The following PTCHD4 variants were observed in gnomAD, a reference collection of about 807,000 sequenced individuals.
PTCHD4 encodes patched domain containing 4, also known as patched domain-containing protein 4.
PTCHD4 carries 33 observed loss-of-function variants against 58.1 expected under a neutral mutation model. That is an observed-to-expected ratio of 0.57 (90% CI 0.43 to 0.76). The LOEUF (loss-of-function observed/expected upper bound fraction) is 0.76. Among genes scored for constraint, PTCHD4 ranks in the 30% least tolerant of loss-of-function variants. PTCHD4 has a pLI of 0.00. For missense variants in PTCHD4, 1,058 were observed against 1,027.1 expected (o/e 1.03, Z -0.41); for synonymous variants, 478 against 409.6 (o/e 1.17, Z -2.02).
chr6:48,075,979 T>A (rs1002536587), intron 1 of PTCHD4, among the ~76,000 whole-genome samples: 1 of 152,204 alleles, frequency 6.6e-6, no homozygotes. Context: ...TAGCATGAAA[T>A]GTTGTTTGAT....
At chr6:47,940,627 T>A (rs187277116) in intron 4 of PTCHD4, among the ~76,000 whole-genome samples, 1 of 152,216 alleles carries the variant, frequency 6.6e-6, no homozygotes, top group African/African-American at 2.4e-5. Flanking sequence ...TGTAAAAGCT[T>A]GTGAAAATAG....
At chr6:48,047,646 G>A (rs1764083324) in intron 3 of PTCHD4, among the ~76,000 whole-genome samples, 1 of 151,766 alleles carries the variant, frequency 6.6e-6, no homozygotes, top group Admixed American at 6.6e-5. Context: ...TGAAGGTGGG[G>A]CCTTTGGGAA....
At position 48,043,755 on chromosome 6, in the gene PTCHD4, G is replaced by A. The variant is rs1763932114; in HGVS notation, c.417+24475C>T. 2.0e-5 allele frequency among the ~76,000 whole-genome samples: 3 copies of A among 151,926 alleles called. No homozygotes were observed. In the South Asian group the frequency reaches 6.2e-4, roughly 31 times the overall value. ...AAAAATTAAAAACATGCTTCCAGAT[G>A]CCAAGTATTTATAAAAGTGAGGCTG... On this transcript the variant is annotated intron_variant, in intron 3 of 4. Transcript: ENST00000339488.
rs1052306213 is a variant in PTCHD4, at chr6:47,872,428, C to G, written c.*5875G>C. On this transcript the variant is annotated 3_prime_UTR_variant, in exon 5 of 5. Coordinates refer to ENST00000339488, the MANE Select transcript of PTCHD4 (RefSeq NM_001384253.1). ...AAACCGTAATGCTCCTCTATTAGAC[C>G]ATGCCATTAGCTGTTGGGAAACCAG... 6.6e-6 allele frequency among the ~76,000 whole-genome samples: 1 copy of G among 151,598 alleles called. No homozygotes were observed. Among genetic ancestry groups the G allele is most frequent in the Admixed American group, 6.6e-5 (1 of 15,188 alleles).
intron 1 of PTCHD4, among the ~76,000 whole-genome samples, chr6:48,075,871 T>C (rs551256589): frequency 2.0e-5 from 3 of 152,340 alleles, no homozygotes; most frequent in South Asian, 2.1e-4. Flanking sequence ...AGGGTGATGG[T>C]TGCTGAAGGT....
At chr6:48,002,324 G>A (rs1363666790) in intron 4 of PTCHD4, among the ~76,000 whole-genome samples, 2 of 152,068 alleles carry the variant, frequency 1.3e-5, no homozygotes, top group East Asian at 3.9e-4. Flanking sequence ...GTTTATTGTG[G>A]CACTATTCAC....
chr6:47,937,111 G>T (rs1480147747), intron 4 of PTCHD4, among the ~76,000 whole-genome samples: 3 of 152,210 alleles, frequency 2.0e-5, no homozygotes, highest in African/African-American at 4.8e-5. Flanking sequence ...CCCCTTGCAG[G>T]CCACTGTGAG....
intron 1 of PTCHD4, among the ~76,000 whole-genome samples, chr6:48,072,043 A>G (rs1433275092): frequency 6.6e-6 from 1 of 152,164 alleles, no homozygotes. Flanking sequence ...TGATCACTCA[A>G]CTGAAGTGGC....
rs1265144543 is a variant in PTCHD4 at position 48,069,464 on chromosome 6, G to A, written c.-507C>T. Among the ~76,000 whole-genome samples, 1 of 152,166 alleles carries A rather than the reference G, an allele frequency of 6.6e-6. No individual in the cohort carries two copies. Among genetic ancestry groups the A allele is most frequent in the African/African-American group, 2.4e-5 (1 of 41,434 alleles). On this transcript the variant is annotated 5_prime_UTR_variant, in exon 2 of 5. Coordinates refer to ENST00000339488, the MANE Select transcript of PTCHD4 (RefSeq NM_001384253.1). Reference sequence around the variant, plus strand: ...TTCAGCGAAGAAAAGGAGCAGAGAGGATGATGCTGCATTTTTAACACACCA... The same window carrying A: ...TTCAGCGAAGAAAAGGAGCAGAGAGAATGATGCTGCATTTTTAACACACCA...
chr6:47,921,956 A>AAAAAGAAAAGAAAAG, intron 4 of PTCHD4, among the ~76,000 whole-genome samples: 1 of 147,052 alleles, frequency 6.8e-6, no homozygotes, highest in African/African-American at 2.5e-5. Context: ...AAAAAAAAAA[A>AAAAAGAAAAGAAAAG]AAAAGAAAAG....
intron 4 of PTCHD4, among the ~76,000 whole-genome samples, chr6:47,919,582 G>C (rs572745755): frequency 5.3e-5 from 8 of 152,146 alleles, no homozygotes; most frequent in Non-Finnish European, 1.0e-4. Context: ...CCCAGGCCAT[G>C]AGCGTGCTTA....
In PTCHD4 at chr6:48,036,564, T is replaced by C. The variant is rs145544348; in HGVS notation, c.418-27450A>G. Among the ~76,000 whole-genome samples the C allele has an allele frequency of 7.2e-5, 11 of 152,266 alleles. No homozygotes were observed. In the East Asian group the frequency reaches 2.1e-3, roughly 29 times the overall value. Reference sequence around the variant, plus strand: ...ACTGTAGATGCTTTCTACCCATTAGTCATTTAGTAGCTGCCACAGTTATCA... The same window carrying C: ...ACTGTAGATGCTTTCTACCCATTAGCCATTTAGTAGCTGCCACAGTTATCA... On this transcript the variant is annotated intron_variant, in intron 3 of 4. Transcript: ENST00000339488.
intron 1 of PTCHD4, among the ~76,000 whole-genome samples, chr6:48,093,084 G>C (rs1040787819): frequency 3.3e-5 from 5 of 152,156 alleles, no homozygotes; most frequent in Non-Finnish European, 7.3e-5. Flanking sequence ...TGCTTCGCTT[G>C]ATAAAAATAG....
chr6:47,876,406 T>C lies in PTCHD4; in HGVS notation c.*1897A>G, dbSNP rs1763849336. On this transcript the variant is annotated 3_prime_UTR_variant, in exon 5 of 5. Coordinates refer to ENST00000339488, the MANE Select transcript of PTCHD4 (RefSeq NM_001384253.1). Reference sequence around the variant, plus strand: ...AACAAAACAAACTCCATTTAATAAATGAAATATTACTTAAATGTTTTCATT... The same window carrying C: ...AACAAAACAAACTCCATTTAATAAACGAAATATTACTTAAATGTTTTCATT... Among the ~76,000 whole-genome samples, 1 of 151,958 alleles carries C rather than the reference T, an allele frequency of 6.6e-6. No individual in the cohort carries two copies. Among genetic ancestry groups the C allele is most frequent in the Admixed American group, 6.6e-5 (1 of 15,230 alleles).
chr6:48,076,599 C>T (rs1765068506), intron 1 of PTCHD4, among the ~76,000 whole-genome samples: 1 of 152,178 alleles, frequency 6.6e-6, no homozygotes, highest in Admixed American at 6.5e-5. Flanking sequence ...AAAACAATGA[C>T]CATCTTCTTG....
intron 1 of PTCHD4, among the ~76,000 whole-genome samples, chr6:48,090,301 T>C (rs1280467932): frequency 6.6e-6 from 1 of 152,218 alleles, no homozygotes; most frequent in Non-Finnish European, 1.5e-5. Context: ...TTGTCATTTT[T>C]ACATGATCAT....
intron 4 of PTCHD4, among the ~76,000 whole-genome samples, chr6:47,966,736 A>AT (rs1453276684): frequency 6.6e-6 from 1 of 151,966 alleles, no homozygotes; most frequent in South Asian, 2.1e-4. Context: ...CAAGAAACCA[A>AT]TTTTTTTTGC....
chr6:47,912,874 C>T (rs1262789078), intron 4 of PTCHD4, among the ~76,000 whole-genome samples: 1 of 152,114 alleles, frequency 6.6e-6, no homozygotes, highest in Non-Finnish European at 1.5e-5. Context: ...GTTTCTCCCT[C>T]CTCTTCCTCC....
chr6:48,097,494 A>AT (rs530877267), intron 1 of PTCHD4, among the ~76,000 whole-genome samples: 39 of 152,098 alleles, frequency 2.6e-4, no homozygotes, highest in South Asian at 1.2e-3. Flanking sequence ...TAGCATGCTC[A>AT]TTTTTTTTAC....
Sources: allele counts gnomAD v4.1 joint callset (sites outside exome capture counted in the v4.1 genomes callset), GRCh38; gene constraint gnomAD v4.1.1; transcripts MANE v1.5; gene names NCBI Gene and HGNC (gene_info 2026-07-23, HGNC 2026-07-21).